The following VPS8 variants were observed in gnomAD, a reference collection of about 807,000 sequenced individuals.
VPS8 encodes vacuolar protein sorting-associated protein 8 homolog.
A neutral mutation model predicts 216.4 loss-of-function variants in VPS8; 129 were observed. That is an observed-to-expected ratio of 0.60 (90% CI 0.52 to 0.69). The LOEUF is 0.69. VPS8 is among the 30% of genes least tolerant of loss of function. The pLI is 0.00. For missense variants in VPS8, 1,531 were observed against 1,683.5 expected (o/e 0.91, Z 1.59); for synonymous variants, 571 against 565.4 (o/e 1.01, Z -0.14).
At chr3:184,999,581 C>A in intron 44 of VPS8, 115 bp from the exon 45 acceptor site, 1 of 1,237,828 alleles carries the variant, frequency 8.1e-7, no homozygotes, top group Non-Finnish European at 1.1e-6. Flanking sequence ...CCTGTACAGC[C>A]ATCAGTGCAT....
chr3:184,998,521 A>G (rs1269613134), intron 44 of VPS8, among the ~76,000 whole-genome samples: 3 of 21,934 alleles, frequency 1.4e-4, no homozygotes, highest in Non-Finnish European at 1.9e-4. Context: ...ATATATATAT[A>G]TATATATATA....
rs560478884 is a variant in VPS8, at chr3:185,051,966, A to T, written c.4228A>T (p.Ile1410Phe). Residue 1410 changes from isoleucine to phenylalanine, a missense_variant, in exon 48 of 48, where the codon ATC (isoleucine) becomes TTC (phenylalanine). Coordinates refer to ENST00000625842, the MANE Select transcript of VPS8 (RefSeq NM_001009921.3). Reference protein sequence around the residue: ...GSQSAPAFNSIFQNENFQLQL... With the variant: ...GSQSAPAFNSFFQNENFQLQL... ...GCAGAGTGCTCCTGCTTTCAACAGCATCTTCCAGAATGAGAACTTCCAGCT... is the reference window on the plus strand; with the variant it reads ...GCAGAGTGCTCCTGCTTTCAACAGCTTCTTCCAGAATGAGAACTTCCAGCT... 6.2e-7 allele frequency: 1 copy of T among 1,613,314 alleles called. No individual in the cohort carries two copies. Among genetic ancestry groups the T allele is most frequent in the South Asian group, 1.1e-5 (1 of 90,940 alleles).
intron 46 of VPS8, among the ~76,000 whole-genome samples, chr3:185,026,417 T>C (rs941269161): frequency 1.3e-5 from 2 of 149,950 alleles, no homozygotes; most frequent in African/African-American, 4.9e-5. Flanking sequence ...TTTCTTTTTT[T>C]TTTTTTTTTT....
At chr3:184,941,606 G>A (rs1742708657) in intron 36 of VPS8, among the ~76,000 whole-genome samples, 1 of 151,930 alleles carries the variant, frequency 6.6e-6, no homozygotes, top group Non-Finnish European at 1.5e-5. Flanking sequence ...AAGTAGGGCA[G>A]AGGATGGAGC....
At chr3:184,879,981 G>T in intron 21 of VPS8, among the ~76,000 whole-genome samples, 1 of 152,138 alleles carries the variant, frequency 6.6e-6, no homozygotes. Flanking sequence ...TAAAGACCTG[G>T]CTTCTTTAAG....
At chr3:184,826,285 CT>C (rs1277928754) in intron 3 of VPS8, 54 bp downstream of exon 3, 3 of 1,468,486 alleles carry the variant, frequency 2.0e-6, no homozygotes, top group African/African-American at 2.8e-5. Context: ...CATCTTAATA[CT>C]TTTTGGATTA....
chr3:184,985,452 A>T (rs1208538983), intron 42 of VPS8, among the ~76,000 whole-genome samples: 2 of 152,212 alleles, frequency 1.3e-5, no homozygotes, highest in Admixed American at 6.5e-5. Flanking sequence ...AACCCATAAG[A>T]GCTCTTATTT....
intron 45 of VPS8, among the ~76,000 whole-genome samples, chr3:185,019,083 C>T (rs966583161): frequency 6.6e-6 from 1 of 152,184 alleles, no homozygotes; most frequent in South Asian, 2.1e-4. Flanking sequence ...CCTTCCTCCT[C>T]ATCATTAGAG....
intron 45 of VPS8, among the ~76,000 whole-genome samples, chr3:185,022,116 G>A (rs2110066081): frequency 6.6e-6 from 1 of 152,246 alleles, no homozygotes; most frequent in Admixed American, 6.5e-5. Context: ...GATAGTGAGT[G>A]AGCTCTCATG....
chr3:185,032,775 C>T (rs1188407711), intron 46 of VPS8, among the ~76,000 whole-genome samples: 1 of 152,058 alleles, frequency 6.6e-6, no homozygotes, highest in East Asian at 1.9e-4. Context: ...ATGGCATTCT[C>T]CTGCCTCAGC....
rs1217454455 is a variant in VPS8, at chr3:184,870,483, C to T, written c.1645-233C>T. ...CATTTCCTGAGCAGTATAGATGCCA[C>T]TGAGGTCTAGAACATGGAGATATTT... On this transcript the variant is annotated intron_variant, in intron 20 of 47. Coordinates refer to ENST00000625842, the MANE Select transcript of VPS8 (RefSeq NM_001009921.3). 2.6e-5 allele frequency among the ~76,000 whole-genome samples: 4 copies of T among 152,252 alleles called. No homozygotes were observed. The East Asian group carries it at 7.7e-4, about 29-fold the overall frequency.
chr3:184,915,305 G>A, intron 27 of VPS8, 50 bp from the exon 28 acceptor site: 1 of 1,583,660 alleles, frequency 6.3e-7, no homozygotes, highest in South Asian at 1.1e-5. Context: ...GCTTCAGCAA[G>A]ATACTTTGTC....
intron 24 of VPS8, among the ~76,000 whole-genome samples, chr3:184,899,469 C>T (rs541613604): frequency 1.3e-5 from 2 of 152,324 alleles, no homozygotes; most frequent in Non-Finnish European, 2.9e-5. Flanking sequence ...GCGAGTACCC[C>T]TCTAATTCAT....
chr3:185,006,762 C>T (rs1382600986), intron 45 of VPS8, among the ~76,000 whole-genome samples: 1 of 152,168 alleles, frequency 6.6e-6, no homozygotes. Flanking sequence ...AGGCAGCTTC[C>T]GCCTGTTGCT....
chr3:184,993,244 A>T (rs1330211259), intron 42 of VPS8, among the ~76,000 whole-genome samples: 1 of 152,104 alleles, frequency 6.6e-6, no homozygotes, highest in Non-Finnish European at 1.5e-5. Flanking sequence ...TCCTCTTCTC[A>T]CCTCTCCCAG....
chr3:184,827,927 A>G (rs1719139078), intron 3 of VPS8, among the ~76,000 whole-genome samples: 1 of 152,220 alleles, frequency 6.6e-6, no homozygotes, highest in Non-Finnish European at 1.5e-5. Flanking sequence ...GGAAGAAAAC[A>G]TAGTTCAAAT....
At chr3:185,006,063 C>T (rs1754209585) in intron 45 of VPS8, among the ~76,000 whole-genome samples, 1 of 152,156 alleles carries the variant, frequency 6.6e-6, no homozygotes, top group South Asian at 2.1e-4. Context: ...GGAGAGATGA[C>T]CCAACATTTT....
At chr3:184,866,070 AAC>A (rs1727297205) in intron 16 of VPS8, among the ~76,000 whole-genome samples, 1 of 152,190 alleles carries the variant, frequency 6.6e-6, no homozygotes, top group South Asian at 2.1e-4. Context: ...AAGAGTTGAA[AAC>A]ACACGCTTAT....
intron 40 of VPS8, among the ~76,000 whole-genome samples, chr3:184,972,729 A>T (rs572354639): frequency 6.6e-6 from 1 of 152,368 alleles, no homozygotes; most frequent in South Asian, 2.1e-4. Flanking sequence ...AGCAGGTGCA[A>T]GGTGGGAGTT....
Sources: allele counts gnomAD v4.1 joint callset (sites outside exome capture counted in the v4.1 genomes callset), GRCh38; gene constraint gnomAD v4.1.1; transcripts MANE v1.5; gene names NCBI Gene and HGNC (gene_info 2026-07-23, HGNC 2026-07-21).